SPAG6: variants seen among roughly 807,000 people sequenced by gnomAD.
The protein encoded by SPAG6 is sperm associated antigen 6, also known as sperm-associated antigen 6.
Under a neutral mutation model 58.5 loss-of-function variants are expected in SPAG6, and 49 were observed. The observed-to-expected ratio is 0.84, with a 90% confidence interval of 0.67 to 1.06. The LOEUF is 1.06. Ranked by LOEUF, SPAG6 falls within the 50% of genes least tolerant of loss-of-function variation. The pLI is 0.00. For synonymous variants in SPAG6, 233 were observed against 225.6 expected (o/e 1.03, Z -0.29); for missense variants, 560 against 611.3 (o/e 0.92, Z 0.89).
chr10:22,362,772 G>A (rs1447563499), intron 2 of SPAG6, among the ~76,000 whole-genome samples: 1 of 151,822 alleles, frequency 6.6e-6, no homozygotes, highest in African/African-American at 2.4e-5. Context: ...AATGCTCGAC[G>A]ATAATGACAA....
At chr10:22,410,000 C>CT (rs1834689697) in intron 9 of SPAG6, among the ~76,000 whole-genome samples, 1 of 152,178 alleles carries the variant, frequency 6.6e-6, no homozygotes, top group Non-Finnish European at 1.5e-5. Flanking sequence ...TCCTCAGCTG[C>CT]TGATAGCCTG....
intron 4 of SPAG6, among the ~76,000 whole-genome samples, chr10:22,381,678 G>A (rs1237373630): frequency 6.6e-6 from 1 of 152,028 alleles, no homozygotes; most frequent in Non-Finnish European, 1.5e-5. Flanking sequence ...GATTACTTTT[G>A]TCTTATTTAC....
intron 9 of SPAG6, among the ~76,000 whole-genome samples, chr10:22,402,121 G>A (rs7069337): frequency 0.13 from 20,260 of 152,042 alleles, 3,926 homozygotes; most frequent in African/African-American, 0.43. Context: ...AATAATTAGA[G>A]TACTTATTTC....
chr10:22,403,076 A>C (rs1395876795), intron 9 of SPAG6, among the ~76,000 whole-genome samples: 1 of 152,166 alleles, frequency 6.6e-6, no homozygotes, highest in Non-Finnish European at 1.5e-5. Flanking sequence ...TAAAATAAAT[A>C]CAGTACTGTA....
chr10:22,391,917 A>G lies in SPAG6; in HGVS notation c.1194A>G (p.Val398=). The G allele has an allele frequency of 6.2e-7, 1 of 1,607,218 alleles. No individual in the cohort carries two copies. Among genetic ancestry groups the G allele is most frequent in the Non-Finnish European group, 8.5e-7 (1 of 1,175,118 alleles). Residue 398 remains valine (V), a synonymous_variant, in exon 8 of 11, where the codon GTA becomes GTG. Transcript: ENST00000376624. ...CAGAAAGTTCTGAGGATCTCCAAGTAAAAGTAAGTGCTTAATTCTGTTTTA... is the reference window on the plus strand; with the variant it reads ...CAGAAAGTTCTGAGGATCTCCAAGTGAAAGTAAGTGCTTAATTCTGTTTTA... The part of the protein sequence containing the change: ...MSTESSEDLQ[V]KSKKAIKNIL...
Position 22,368,658 on chromosome 10 carries a change from A to G in SPAG6, c.452A>G (p.Tyr151Cys). The G allele has an allele frequency of 6.2e-7, 1 of 1,613,170 alleles. No individual in the cohort carries two copies. The highest frequency in any genetic ancestry group is 8.5e-7 in the Non-Finnish European group (1 of 1,179,458). ...VKEAAAWALR[Y>C]IARHNAELSQ... is the part of the protein sequence containing the mutation. ...GAGGCTGCAGCCTGGGCACTTAGAT[A>G]TATTGCAAGACATAATGCAGGTAAT... Residue 151 changes from tyrosine (Y) to cysteine (C), a missense_variant, in exon 4 of 11, where the codon TAT becomes TGT. Coordinates refer to ENST00000376624, the MANE Select transcript of SPAG6 (RefSeq NM_012443.4).
chr10:22,409,450 A>G (rs1359034814), intron 9 of SPAG6, among the ~76,000 whole-genome samples: 5 of 152,168 alleles, frequency 3.3e-5, no homozygotes, highest in Admixed American at 6.5e-5. Context: ...TCTGTTGAGC[A>G]TTGGGGAACA....
intron 2 of SPAG6, among the ~76,000 whole-genome samples, chr10:22,353,685 A>G (rs1456655744): frequency 6.6e-6 from 1 of 152,262 alleles, no homozygotes; most frequent in Non-Finnish European, 1.5e-5. Flanking sequence ...GATGCGGACC[A>G]TGCAAAAATC....
At chr10:22,371,088 C>T (rs1393099375) in intron 4 of SPAG6, among the ~76,000 whole-genome samples, 2 of 152,214 alleles carry the variant, frequency 1.3e-5, no homozygotes, top group South Asian at 4.1e-4. Flanking sequence ...GGAATTTCCA[C>T]TGTAATTTCA....
At chr10:22,359,438 G>A (rs772941016) in intron 2 of SPAG6, 6 of 213,412 alleles carry the variant, frequency 2.8e-5, no homozygotes, top group Non-Finnish European at 4.0e-5. Flanking sequence ...CTGTCACCCA[G>A]GCTGGAGTGC....
At chr10:22,383,498 G>A (rs1352487216) in intron 4 of SPAG6, among the ~76,000 whole-genome samples, 2 of 152,002 alleles carry the variant, frequency 1.3e-5, no homozygotes, top group African/African-American at 4.8e-5. Flanking sequence ...AATTAGCTGG[G>A]CGTGGTGGCA....
chr10:22,349,412 G>A (rs1836656688), intron 2 of SPAG6, among the ~76,000 whole-genome samples: 1 of 152,150 alleles, frequency 6.6e-6, no homozygotes, highest in African/African-American at 2.4e-5. Flanking sequence ...ACACATGACT[G>A]TAATAGTAGA....
intron 4 of SPAG6, among the ~76,000 whole-genome samples, chr10:22,375,305 A>C (rs1263596834): frequency 6.6e-6 from 1 of 152,226 alleles, no homozygotes; most frequent in African/African-American, 2.4e-5. Context: ...GCTCCAATTG[A>C]GCATTTCACA....
At chr10:22,412,365 C>T (rs1564383406) in intron 10 of SPAG6, 5 of 723,856 alleles carry the variant, frequency 6.9e-6, no homozygotes, top group Admixed American at 4.7e-5. Flanking sequence ...GTGTTTAATA[C>T]GTATGGTAAC....
chr10:22,408,688 T>C (rs906463234), intron 9 of SPAG6, among the ~76,000 whole-genome samples: 2 of 152,196 alleles, frequency 1.3e-5, no homozygotes, highest in Non-Finnish European at 2.9e-5. Context: ...CCAGCTGCTT[T>C]GTTTACCTAA....
chr10:22,383,441 C>T (rs887261945), intron 4 of SPAG6, among the ~76,000 whole-genome samples: 4 of 151,966 alleles, frequency 2.6e-5, no homozygotes, highest in African/African-American at 9.7e-5. Context: ...AGTTCAAGAC[C>T]AGCCTGGCCA....
chr10:22,382,270 T>C (rs1172895475), intron 4 of SPAG6, among the ~76,000 whole-genome samples: 4 of 152,168 alleles, frequency 2.6e-5, no homozygotes, highest in African/African-American at 9.7e-5. Flanking sequence ...CTAAGCCACA[T>C]AAAACTAGTT....
intron 10 of SPAG6, among the ~76,000 whole-genome samples, chr10:22,412,684 G>T (rs559700887): frequency 6.6e-6 from 1 of 152,222 alleles, no homozygotes; most frequent in South Asian, 2.1e-4. Context: ...CTATTCTCCT[G>T]CCTCAGCCTC....
At chr10:22,377,061 T>C (rs1374494900) in intron 4 of SPAG6, among the ~76,000 whole-genome samples, 1 of 151,204 alleles carries the variant, frequency 6.6e-6, no homozygotes, top group Non-Finnish European at 1.5e-5. Flanking sequence ...AGATCCTGCC[T>C]CTGGAGAAAA....
Sources: gnomAD v4.1 joint callset for allele counts (sites outside exome capture counted in the v4.1 genomes callset) on GRCh38, gnomAD v4.1.1 for gene constraint, MANE v1.5 for transcripts, NCBI Gene and HGNC (gene_info 2026-07-23, HGNC 2026-07-21) for gene names.